TLK2: variants seen among roughly 807,000 people sequenced by gnomAD.
The protein encoded by TLK2 is tousled like kinase 2.
TLK2 carries 6 observed loss-of-function variants against 117.3 expected under a neutral mutation model. The ratio of observed to expected loss-of-function variants is 0.05; its 90% CI spans 0.03 to 0.10. The LOEUF is 0.10. Among genes scored for constraint, TLK2 ranks in the 10% least tolerant of loss-of-function variants. The pLI, the probability that TLK2 is intolerant of heterozygous loss-of-function variation, is 1.00. For missense variants in TLK2, 299 were observed against 901.2 expected (o/e 0.33, Z 8.56); for synonymous variants, 257 against 316.7 (o/e 0.81, Z 2.00).
At chr17:62,478,733 G>A (rs2071226200), upstream of TLK2, among the ~76,000 whole-genome samples, 1 of 60,396 alleles carries the variant, frequency 1.7e-5, no homozygotes, top group South Asian at 8.7e-4. Flanking sequence ...CACTGTCGGC[G>A]CTTCCCCCAC....
intron 10 of TLK2, among the ~76,000 whole-genome samples, chr17:62,563,138 C>T (rs1298238153): frequency 6.6e-6 from 1 of 152,150 alleles, no homozygotes; most frequent in Non-Finnish European, 1.5e-5. Context: ...ATGAATTTCT[C>T]ATAATAGAAC....
chr17:62,558,205 T>G (rs1195348210), intron 9 of TLK2, among the ~76,000 whole-genome samples: 1 of 151,918 alleles, frequency 6.6e-6, no homozygotes, highest in Non-Finnish European at 1.5e-5. Flanking sequence ...TGTCTTGCTC[T>G]GTCTCCCAGG....
At chr17:62,612,066 A>C in intron 21 of TLK2, 1 of 184,262 alleles carries the variant, frequency 5.4e-6, no homozygotes, top group Non-Finnish European at 1.1e-5. Flanking sequence ...CAGCGAAGAC[A>C]AAGAGAGATT....
chr17:62,522,704 G>A (rs916167081), intron 4 of TLK2, among the ~76,000 whole-genome samples: 4 of 152,122 alleles, frequency 2.6e-5, no homozygotes, highest in African/African-American at 9.7e-5. Flanking sequence ...AACCCATTGG[G>A]ATAAATCTGT....
At chr17:62,570,967 T>C (rs1410878451) in intron 11 of TLK2, among the ~76,000 whole-genome samples, 1 of 152,230 alleles carries the variant, frequency 6.6e-6, no homozygotes, top group Non-Finnish European at 1.5e-5. Flanking sequence ...GTATATTGTA[T>C]GTTTATCTGT....
chr17:62,490,316 C>T (rs1441112440), intron 2 of TLK2, among the ~76,000 whole-genome samples: 1 of 152,152 alleles, frequency 6.6e-6, no homozygotes, highest in Non-Finnish European at 1.5e-5. Flanking sequence ...GACCTATCTT[C>T]CACTTGATTA....
intron 19 of TLK2, among the ~76,000 whole-genome samples, chr17:62,605,494 T>C (rs2147242296): frequency 6.6e-6 from 1 of 152,126 alleles, no homozygotes; most frequent in African/African-American, 2.4e-5. Flanking sequence ...CGCCTCAGCT[T>C]CCCAAGCAGC....
At chr17:62,483,497 T>C (rs1343151627) in intron 2 of TLK2, among the ~76,000 whole-genome samples, 2 of 152,208 alleles carry the variant, frequency 1.3e-5, no homozygotes, top group African/African-American at 2.4e-5. Flanking sequence ...GAAATTTACC[T>C]ATTTCCAGTT....
At chr17:62,548,576 C>A (rs1467784747) in intron 7 of TLK2, among the ~76,000 whole-genome samples, 1 of 151,882 alleles carries the variant, frequency 6.6e-6, no homozygotes, top group Admixed American at 6.6e-5. Context: ...CCACTGCACC[C>A]GGCCCTATGT....
intron 16 of TLK2, among the ~76,000 whole-genome samples, chr17:62,590,283 AAGTT>A (rs1449536453): frequency 6.6e-6 from 1 of 151,474 alleles, no homozygotes; most frequent in Non-Finnish European, 1.5e-5. Flanking sequence ...AATACAAAAA[AAGTT>A]AGCCAGGCAT....
intron 12 of TLK2, chr17:62,574,255 A>G: frequency 1.3e-6 from 2 of 1,505,074 alleles, no homozygotes; most frequent in South Asian, 2.5e-5. Flanking sequence ...CTTAACACCA[A>G]TCCTCACCCC....
At chr17:62,563,449 TAAAAAA>T (rs796168706) in intron 10 of TLK2, among the ~76,000 whole-genome samples, 1 of 150,324 alleles carries the variant, frequency 6.7e-6, no homozygotes, top group Non-Finnish European at 1.5e-5. Flanking sequence ...TCTCTTAAAA[TAAAAAA>T]AAAGAAAATA....
chr17:62,576,854 G>T, intron 13 of TLK2, 79 bp downstream of exon 13: 1 of 1,135,438 alleles, frequency 8.8e-7, no homozygotes, highest in Non-Finnish European at 1.3e-6. Context: ...TGGTCATTTG[G>T]GTGAATGTAA....
chr17:62,604,638 T>G (rs1351265417), intron 19 of TLK2, among the ~76,000 whole-genome samples: 1 of 151,914 alleles, frequency 6.6e-6, no homozygotes, highest in Non-Finnish European at 1.5e-5. Flanking sequence ...TAGCCAGGTG[T>G]GGTGGCTCAT....
At chr17:62,562,901 C>G (rs2079413060) in intron 10 of TLK2, among the ~76,000 whole-genome samples, 1 of 152,154 alleles carries the variant, frequency 6.6e-6, no homozygotes, top group African/African-American at 2.4e-5. Flanking sequence ...AGGAGGATCA[C>G]TTGAACCCAG....
chr17:62,494,518 A>G (rs1380100961), intron 2 of TLK2, among the ~76,000 whole-genome samples: 1 of 152,064 alleles, frequency 6.6e-6, no homozygotes, highest in Admixed American at 6.6e-5. Flanking sequence ...TGGCCTTTCA[A>G]AGTGTTGGGA....
At chr17:62,553,817 T>C in intron 9 of TLK2, 62 bp downstream of exon 9, 1 of 1,060,372 alleles carries the variant, frequency 9.4e-7, no homozygotes, top group East Asian at 2.4e-5. Flanking sequence ...ATTTGGATTA[T>C]GTACATATCA....
rs527985738 is a variant in TLK2, at chr17:62,600,723, G to T, written c.1623G>T (p.Ser541=). The T allele has an allele frequency of 1.2e-6, 2 of 1,612,962 alleles. No individual in the cohort carries two copies. Among genetic ancestry groups the T allele is most frequent in the Non-Finnish European group, 1.7e-6 (2 of 1,179,814 alleles). ...ACCTGAAACAGCACAAATTAATGTC[G>T]GAGAAAGAGGCCCGGTCCATTATCA... The part of the protein sequence containing the change: ...DFYLKQHKLM[S]EKEARSIIMQ... Residue 541 remains serine, a synonymous_variant, in exon 18 of 22, where the codon TCG becomes TCT. Coordinates refer to ENST00000346027, the MANE Select transcript of TLK2 (RefSeq NM_006852.6).
intron 2 of TLK2, among the ~76,000 whole-genome samples, chr17:62,489,451 C>T (rs12943891): frequency 6.6e-6 from 1 of 152,194 alleles, no homozygotes; most frequent in African/African-American, 2.4e-5. Flanking sequence ...TCAGGCGATC[C>T]GCCAGCCTTG....
Sources: gnomAD v4.1 joint callset for allele counts (sites outside exome capture counted in the v4.1 genomes callset) on GRCh38, gnomAD v4.1.1 for gene constraint, MANE v1.5 for transcripts, NCBI Gene and HGNC (gene_info 2026-07-23, HGNC 2026-07-21) for gene names.